SLC35D4: variants seen among roughly 807,000 people sequenced by gnomAD.
The protein encoded by SLC35D4 is solute carrier family 35 member D4, also known as UDP-N-acetylglucosamine transporter SLC35D4.
At chr18:23,405,933 A>G in the SLC35D4 span, among the ~76,000 whole-genome samples, 2 of 152,204 alleles carry the variant, frequency 1.3e-5, no homozygotes, top group African/African-American at 4.8e-5. Flanking sequence ...ATACTTTTCC[A>G]GGTAGCATAG....
At chr18:23,411,359 G>A in the SLC35D4 span, among the ~76,000 whole-genome samples, 7 of 147,042 alleles carry the variant, frequency 4.8e-5, no homozygotes, top group Admixed American at 4.8e-4. Context: ...GGGAGAGAAG[G>A]GAAGGGAGAG....
the SLC35D4 span, among the ~76,000 whole-genome samples, chr18:23,263,015 A>G: frequency 3.9e-5 from 6 of 152,242 alleles, no homozygotes; most frequent in Non-Finnish European, 7.3e-5. Flanking sequence ...CACCAAGCAG[A>G]TATCATGCGC....
the SLC35D4 span, chr18:23,430,748 A>G: frequency 7.1e-7 from 1 of 1,402,322 alleles, no homozygotes; most frequent in Non-Finnish European, 1.0e-6. Flanking sequence ...AATCAAAGAC[A>G]TTTCTATTAA....
the SLC35D4 span, chr18:23,252,946 C>T: frequency 2.0e-5 from 31 of 1,546,438 alleles, no homozygotes; most frequent in Non-Finnish European, 2.7e-5. Context: ...TCCGTGTTCC[C>T]CTGTCTGTTA....
chr18:23,376,992 A>C, the SLC35D4 span: 746 of 455,760 alleles, frequency 1.6e-3, 6 homozygotes, highest in Non-Finnish European at 1.0e-3. Flanking sequence ...AAGCCCAGAA[A>C]TATCTGCAGT....
chr18:23,340,391 G>A, the SLC35D4 span, among the ~76,000 whole-genome samples: 1 of 152,028 alleles, frequency 6.6e-6, no homozygotes, highest in Non-Finnish European at 1.5e-5. Context: ...GCTGTTTCAG[G>A]CCAGCAGTAC....
chr18:23,348,227 T>C, the SLC35D4 span, among the ~76,000 whole-genome samples: 1 of 152,198 alleles, frequency 6.6e-6, no homozygotes. Context: ...TTTTAAAACT[T>C]GGGAGTTGTT....
the SLC35D4 span, among the ~76,000 whole-genome samples, chr18:23,395,537 G>A: frequency 7.2e-5 from 11 of 152,262 alleles, no homozygotes; most frequent in East Asian, 1.9e-3. Flanking sequence ...AGACTTCTAG[G>A]GTCCCTCCAG....
the SLC35D4 span, among the ~76,000 whole-genome samples, chr18:23,385,928 G>A: frequency 1.3e-5 from 2 of 151,748 alleles, no homozygotes; most frequent in Non-Finnish European, 2.9e-5. Flanking sequence ...TCAGGAGATC[G>A]AGCCCATCCT....
At chr18:23,247,102 T>TC in the SLC35D4 span, among the ~76,000 whole-genome samples, 1 of 152,220 alleles carries the variant, frequency 6.6e-6, no homozygotes. Context: ...GCTGTGGTAA[T>TC]CCCACTGCCG....
At chr18:23,242,502 C>A in the SLC35D4 span, among the ~76,000 whole-genome samples, 2 of 152,276 alleles carry the variant, frequency 1.3e-5, no homozygotes, top group African/African-American at 4.8e-5. Flanking sequence ...GGTTATGTAT[C>A]ATTAGAACGT....
At chr18:23,406,755 T>A in the SLC35D4 span, among the ~76,000 whole-genome samples, 4 of 152,202 alleles carry the variant, frequency 2.6e-5, no homozygotes, top group Non-Finnish European at 5.9e-5. Flanking sequence ...GAGTCATGAA[T>A]TGTTGTTTGA....
At chr18:23,294,093 G>A in the SLC35D4 span, among the ~76,000 whole-genome samples, 3 of 152,186 alleles carry the variant, frequency 2.0e-5, no homozygotes, top group Admixed American at 6.5e-5. Context: ...CACCGTGACT[G>A]GCCCTTATTT....
At chr18:23,428,606 C>G in the SLC35D4 span, among the ~76,000 whole-genome samples, 1 of 152,088 alleles carries the variant, frequency 6.6e-6, no homozygotes, top group Non-Finnish European at 1.5e-5. Context: ...CAGCCTCTAA[C>G]TCTTAGGGTC....
the SLC35D4 span, chr18:23,356,523 C>T: frequency 6.5e-7 from 1 of 1,542,734 alleles, no homozygotes; most frequent in Non-Finnish European, 9.0e-7. The surrounding 1 kb of genome is among the most constrained non-coding windows in gnomAD (Gnocchi z 4.1). Context: ...TAGCAGTGAC[C>T]CTGAACTTCA....
At chr18:23,293,848 A>C in the SLC35D4 span, among the ~76,000 whole-genome samples, 3 of 152,234 alleles carry the variant, frequency 2.0e-5, no homozygotes, top group African/African-American at 7.2e-5. Context: ...GCTGGAGTGC[A>C]GTGGCACAGT....
chr18:23,294,636 G>A, the SLC35D4 span, among the ~76,000 whole-genome samples: 3 of 152,242 alleles, frequency 2.0e-5, no homozygotes, highest in Admixed American at 6.5e-5. Flanking sequence ...GTACGTGCCT[G>A]TAGTCCCAGG....
the SLC35D4 span, among the ~76,000 whole-genome samples, chr18:23,431,441 T>C: frequency 6.6e-6 from 1 of 152,208 alleles, no homozygotes; most frequent in Non-Finnish European, 1.5e-5. Flanking sequence ...ACTTCATCTA[T>C]GGTCCAGTTT....
chr18:23,391,989 G>A, the SLC35D4 span, among the ~76,000 whole-genome samples: 1 of 150,868 alleles, frequency 6.6e-6, no homozygotes, highest in Non-Finnish European at 1.5e-5. Flanking sequence ...CCAGGCTGGA[G>A]TGCAGTGATG....
Sources: allele counts gnomAD v4.1 joint callset (sites outside exome capture counted in the v4.1 genomes callset), GRCh38; gene constraint gnomAD v4.1.1; non-coding constraint Gnocchi (gnomAD v3.1); transcripts MANE v1.5; gene names NCBI Gene and HGNC (gene_info 2026-07-23, HGNC 2026-07-21).